EPB41L2: variants seen among roughly 807,000 people sequenced by gnomAD.
The protein encoded by EPB41L2 is band 4.1-like protein 2.
A neutral mutation model predicts 113.0 loss-of-function variants in EPB41L2; 43 were observed. The observed-to-expected ratio is 0.38, with a 90% CI of 0.30 to 0.49. The LOEUF (loss-of-function observed/expected upper bound fraction) is 0.49, where lower values mean the gene tolerates loss of function less well. EPB41L2 is among the 20% of genes least tolerant of loss of function. EPB41L2 has a pLI of 0.95. For missense variants in EPB41L2, 1,147 were observed against 1,223.4 expected (o/e 0.94, Z 0.93); for synonymous variants, 442 against 436.7 (o/e 1.01, Z -0.15).
chr6:130,944,946 C>T (rs968021464), intron 3 of EPB41L2, among the ~76,000 whole-genome samples: 1 of 152,156 alleles, frequency 6.6e-6, no homozygotes, highest in African/African-American at 2.4e-5. Context: ...GCAGTCTTTT[C>T]CCATTTAGTA....
At chr6:130,940,795 A>G (rs1810562594) in intron 3 of EPB41L2, among the ~76,000 whole-genome samples, 1 of 152,124 alleles carries the variant, frequency 6.6e-6, no homozygotes, top group Non-Finnish European at 1.5e-5. Flanking sequence ...TTGAAATCCA[A>G]AAGTTTCTCC....
intron 1 of EPB41L2, among the ~76,000 whole-genome samples, chr6:130,962,675 A>T (rs368533864): frequency 6.6e-6 from 1 of 152,214 alleles, no homozygotes; most frequent in African/African-American, 2.4e-5. Flanking sequence ...CATACAAAAC[A>T]TATGAACTAC....
intron 3 of EPB41L2, among the ~76,000 whole-genome samples, chr6:130,951,063 C>G (rs1254298497): frequency 1.3e-5 from 2 of 151,982 alleles, no homozygotes; most frequent in South Asian, 2.1e-4. Flanking sequence ...TTGAGACCAG[C>G]CTGGCCAATG....
At chr6:131,005,032 T>C (rs1462959434) in intron 1 of EPB41L2, among the ~76,000 whole-genome samples, 2 of 152,236 alleles carry the variant, frequency 1.3e-5, no homozygotes, top group Non-Finnish European at 2.9e-5. Context: ...TGTTTTTACT[T>C]ACATTCCAAA....
At chr6:130,972,757 A>G (rs1415901788) in intron 1 of EPB41L2, among the ~76,000 whole-genome samples, 1 of 152,096 alleles carries the variant, frequency 6.6e-6, no homozygotes, top group Non-Finnish European at 1.5e-5. Context: ...ATTTATTAAC[A>G]GATAAACAAG....
intron 1 of EPB41L2, among the ~76,000 whole-genome samples, chr6:130,989,587 G>T (rs1781362848): frequency 1.3e-5 from 2 of 152,188 alleles, no homozygotes. Context: ...ATCAAAAAAG[G>T]TAAGTTGATG....
chr6:130,867,770 A>G (rs1278913998), intron 15 of EPB41L2, 189 bp from the exon 16 acceptor site: 1 of 609,790 alleles, frequency 1.6e-6, no homozygotes, highest in African/African-American at 1.9e-5. Context: ...AATATATCAT[A>G]TATACACATA....
chr6:130,954,143 C>A (rs1816542407), intron 3 of EPB41L2, among the ~76,000 whole-genome samples: 1 of 146,504 alleles, frequency 6.8e-6, no homozygotes, highest in East Asian at 2.1e-4. Flanking sequence ...AGCTCCGCCT[C>A]CCGGGTTCAC....
chr6:130,924,275 G>A (rs1305272212), intron 4 of EPB41L2, among the ~76,000 whole-genome samples: 2 of 152,078 alleles, frequency 1.3e-5, no homozygotes, highest in Non-Finnish European at 2.9e-5. Context: ...TCTCTTGGCT[G>A]TTATGAATAA....
chr6:130,971,494 G>A (rs1776765630), intron 1 of EPB41L2, among the ~76,000 whole-genome samples: 1 of 152,144 alleles, frequency 6.6e-6, no homozygotes, highest in Non-Finnish European at 1.5e-5. Flanking sequence ...TTGAACACAA[G>A]CACTGTGATA....
At chr6:130,990,268 C>T (rs1275313420) in intron 1 of EPB41L2, among the ~76,000 whole-genome samples, 3 of 151,796 alleles carry the variant, frequency 2.0e-5, no homozygotes, top group Non-Finnish European at 4.4e-5. Flanking sequence ...TTGCAGTGAG[C>T]CAAGATCACA....
intron 19 of EPB41L2, among the ~76,000 whole-genome samples, chr6:130,842,907 C>A (rs1199122628): frequency 1.3e-5 from 2 of 152,012 alleles, no homozygotes; most frequent in Non-Finnish European, 2.9e-5. Context: ...TAAATGATAA[C>A]CTTCATGTGC....
Position 131,039,735 on chromosome 6 carries a change from A to C in EPB41L2, c.-15+23420T>G, listed in dbSNP as rs1794068294. ...GGAGCCAGTTTGAAGAGGATGGCCA[A>C]AGTTGGGACAATCTGAACATCAAAA... On this transcript the variant is annotated intron_variant, in intron 1 of 19. Transcript: ENST00000337057. 2.0e-5 allele frequency among the ~76,000 whole-genome samples: 3 copies of C among 152,170 alleles called. No homozygotes were observed. The South Asian group carries it at 6.2e-4, about 32-fold the overall frequency.
chr6:130,841,125 A>G (rs17059678), intron 19 of EPB41L2, among the ~76,000 whole-genome samples: 20,728 of 151,990 alleles, frequency 0.14, 1,768 homozygotes, highest in African/African-American at 0.21. Flanking sequence ...GGACATTACT[A>G]AAGTTGAGCA....
chr6:131,018,787 A>C (rs1023959458), intron 1 of EPB41L2, among the ~76,000 whole-genome samples: 1 of 152,152 alleles, frequency 6.6e-6, no homozygotes, highest in Admixed American at 6.5e-5. Flanking sequence ...TTTATTTAAT[A>C]GTTTACCTTT....
chr6:130,860,595 C>A (rs1473620168), intron 18 of EPB41L2, among the ~76,000 whole-genome samples: 1 of 152,162 alleles, frequency 6.6e-6, no homozygotes, highest in Admixed American at 6.5e-5. Context: ...TGCAGTGGCG[C>A]GATCTCGGCT....
At chr6:130,955,701 G>T (rs1817218172) in intron 2 of EPB41L2, among the ~76,000 whole-genome samples, 1 of 152,144 alleles carries the variant, frequency 6.6e-6, no homozygotes, top group Non-Finnish European at 1.5e-5. Flanking sequence ...ACTTAAAGAG[G>T]CATAAAAGAG....
intron 2 of EPB41L2, among the ~76,000 whole-genome samples, 158 bp downstream of exon 2, chr6:130,955,836 G>A (rs1011673443): frequency 6.6e-6 from 1 of 152,096 alleles, no homozygotes; most frequent in African/African-American, 2.4e-5. Context: ...AACAGGGAAA[G>A]GCTATGGTAG....
At chr6:130,858,338 C>T (rs1332205818) in intron 18 of EPB41L2, 95 bp from the exon 19 acceptor site, 19 of 927,110 alleles carry the variant, frequency 2.0e-5, no homozygotes, top group Non-Finnish European at 2.9e-5. Context: ...TCGGACCCAA[C>T]CTCAAGCCAA....
Sources: allele counts gnomAD v4.1 joint callset (sites outside exome capture counted in the v4.1 genomes callset), GRCh38; gene constraint gnomAD v4.1.1; transcripts MANE v1.5; gene names NCBI Gene and HGNC (gene_info 2026-07-23, HGNC 2026-07-21).